SDK1: variants seen among roughly 807,000 people sequenced by gnomAD.
SDK1 encodes the protein protein sidekick-1.
A neutral mutation model predicts 245.5 loss-of-function variants in SDK1; 157 were observed. The ratio of observed to expected loss-of-function variants is 0.64; its 90% CI spans 0.56 to 0.73. The LOEUF is 0.73. SDK1 is among the 30% of genes least tolerant of loss of function. The pLI is 0.00. For synonymous variants in SDK1, 1,647 were observed against 1,278.5 expected, an observed-to-expected ratio of 1.29 and a Z score of -6.15; for missense variants, 3,583 against 3,002.3, an observed-to-expected ratio of 1.19 and a Z score of -4.52.
intron 1 of SDK1, among the ~76,000 whole-genome samples, chr7:3,323,302 A>G (rs773092396): frequency 2.0e-5 from 3 of 152,204 alleles, no homozygotes; most frequent in Admixed American, 6.5e-5. Flanking sequence ...TGGGAACCCA[A>G]TACATGTTTG....
intron 1 of SDK1, among the ~76,000 whole-genome samples, chr7:3,382,957 A>G (rs1679625588): frequency 6.6e-6 from 1 of 152,196 alleles, no homozygotes; most frequent in African/African-American, 2.4e-5. Context: ...AAGAAAGATT[A>G]CCTTTCTATC....
chr7:4,107,377 A>G (rs962511428), intron 22 of SDK1, among the ~76,000 whole-genome samples: 1 of 152,238 alleles, frequency 6.6e-6, no homozygotes, highest in Middle Eastern at 3.4e-3. Flanking sequence ...TACGCACGTG[A>G]GCCACGTGCG....
intron 4 of SDK1, among the ~76,000 whole-genome samples, chr7:3,814,191 C>T (rs1779453440): frequency 6.6e-6 from 1 of 151,382 alleles, no homozygotes; most frequent in Admixed American, 6.6e-5. Flanking sequence ...CTTGCCCATG[C>T]CTATGTCCTG....
chr7:4,079,385 G>A lies in SDK1; in HGVS notation c.3203-78G>A, dbSNP rs1780913072. On this transcript the variant is annotated intron_variant, in intron 21 of 44. Coordinates refer to ENST00000404826, the MANE Select transcript of SDK1 (RefSeq NM_152744.4). ...AATCGTTTTGAAACTGTTTACTTTT[G>A]AAGCTGACACGTTTGATACCTTTCC... 2.6e-6 allele frequency: 4 copies of A among 1,521,014 alleles called. No homozygotes were observed. The East Asian group carries it at 9.1e-5, about 35-fold the overall frequency. The allele number at this position is 1,521,014 out of a possible 1,614,324, so 94.2% of individuals were successfully genotyped here. A position where few individuals can be genotyped will look rare whatever the true frequency, so the allele number is the denominator to read the frequency against.
chr7:3,509,104 A>T (rs761944122), intron 1 of SDK1, among the ~76,000 whole-genome samples: 1 of 150,758 alleles, frequency 6.6e-6, no homozygotes, highest in Admixed American at 6.6e-5. Context: ...GTGTGTATGT[A>T]TGTACATGCG....
chr7:3,706,204 A>G (rs1359970008), intron 4 of SDK1, among the ~76,000 whole-genome samples: 1 of 152,156 alleles, frequency 6.6e-6, no homozygotes, highest in Non-Finnish European at 1.5e-5. Context: ...ATATTCATCA[A>G]GGATATTGGT....
intron 10 of SDK1, 108 bp from the exon 11 acceptor site, chr7:3,969,149 T>A: frequency 1.0e-6 from 1 of 994,688 alleles, no homozygotes. Flanking sequence ...GAGACTTGGG[T>A]GGGGACACGG....
intron 13 of SDK1, among the ~76,000 whole-genome samples, chr7:3,985,005 G>T (rs1363727017): frequency 6.6e-6 from 1 of 152,208 alleles, no homozygotes; most frequent in Admixed American, 6.5e-5. Context: ...ATCACTGGCT[G>T]CATGGTTGAA....
intron 40 of SDK1, among the ~76,000 whole-genome samples, chr7:4,228,995 T>C (rs1012617292): frequency 6.6e-6 from 1 of 152,174 alleles, no homozygotes; most frequent in Non-Finnish European, 1.5e-5. Flanking sequence ...GGCCCTGCTG[T>C]CCTCTCGAGT....
At chr7:4,197,560 A>G (rs1170448112) in intron 35 of SDK1, among the ~76,000 whole-genome samples, 1 of 152,184 alleles carries the variant, frequency 6.6e-6, no homozygotes, top group Non-Finnish European at 1.5e-5. Flanking sequence ...TCAAGGCCTA[A>G]TAGCCAGCCG....
chr7:3,680,278 C>T (rs1784059426), intron 4 of SDK1, among the ~76,000 whole-genome samples: 1 of 152,072 alleles, frequency 6.6e-6, no homozygotes, highest in Non-Finnish European at 1.5e-5. Flanking sequence ...TTAATGGTCG[C>T]AGGGAGTTAG....
At chr7:3,557,251 A>G (rs1779616989) in intron 1 of SDK1, among the ~76,000 whole-genome samples, 1 of 152,238 alleles carries the variant, frequency 6.6e-6, no homozygotes, top group Non-Finnish European at 1.5e-5. Context: ...AATATCAAGA[A>G]TGAAATGGGA....
chr7:4,221,196 G>C, intron 39 of SDK1, 43 bp from the exon 40 acceptor site: 2 of 1,607,118 alleles, frequency 1.2e-6, no homozygotes, highest in Non-Finnish European at 1.7e-6. Flanking sequence ...TGTGAGCCCC[G>C]CAGGGCTGAT....
chr7:3,684,014 A>G (rs1032228652), intron 4 of SDK1, among the ~76,000 whole-genome samples: 2 of 152,124 alleles, frequency 1.3e-5, no homozygotes, highest in African/African-American at 2.4e-5. Context: ...ATGAAAGGTA[A>G]TGTGCATCTC....
chr7:3,546,379 C>T (rs1779227511), intron 1 of SDK1, among the ~76,000 whole-genome samples: 1 of 152,136 alleles, frequency 6.6e-6, no homozygotes, highest in Non-Finnish European at 1.5e-5. Flanking sequence ...ACGTGAAGGC[C>T]CTAGTTGACC....
At position 3,969,397 on chromosome 7, in the gene SDK1, A is replaced by C. The variant is rs1163943847; in HGVS notation, c.1687A>C (p.Asn563His). ...TGCGGCCAACACAGAGGGCTCCCTGAATGCATCGGCCACGCTCACTGTGTG... is the reference window on the plus strand; with the variant it reads ...TGCGGCCAACACAGAGGGCTCCCTGCATGCATCGGCCACGCTCACTGTGTG... ...CYAANTEGSL[N>H]ASATLTVWNR... Residue 563 changes from asparagine (N) to histidine (H), a missense_variant, in exon 11 of 45, where the codon AAT becomes CAT. Transcript: ENST00000404826. 4 of 1,604,940 alleles carry C rather than the reference A, an allele frequency of 2.5e-6. No homozygotes were observed. The highest frequency in any genetic ancestry group is 3.4e-6 in the Non-Finnish European group (4 of 1,175,818).
intron 4 of SDK1, among the ~76,000 whole-genome samples, chr7:3,806,602 C>G (rs576729700): frequency 6.6e-6 from 1 of 152,326 alleles, no homozygotes; most frequent in East Asian, 1.9e-4. Flanking sequence ...AATCATTTTG[C>G]ACCAGTTACA....
At position 4,017,202 on chromosome 7, in the gene SDK1, C is replaced by G. The variant is rs1320929120; in HGVS notation, c.2452C>G (p.Gln818Glu). ...YRLAGLPGEY[Q>E]QRNITSPEVN... ...CCTGGCTGGCCTTCCCGGAGAGTAC[C>G]AGCAGCGGAACATCACCAGCCCGGA... The change falls in exon 17 of 45, where the codon CAG becomes GAG. Residue 818 changes from glutamine to glutamate, a missense_variant. Physicochemically the swap from Gln to Glu is conservative, Grantham distance 29. Coordinates refer to ENST00000404826, the MANE Select transcript of SDK1 (RefSeq NM_152744.4). The G allele has an allele frequency of 6.2e-7, 1 of 1,613,528 alleles. No individual in the cohort carries two copies. Among genetic ancestry groups the G allele is most frequent in the Admixed American group, 1.7e-5 (1 of 59,946 alleles).
chr7:3,460,943 C>T (rs1264878050), intron 1 of SDK1, among the ~76,000 whole-genome samples: 4 of 152,168 alleles, frequency 2.6e-5, no homozygotes, highest in African/African-American at 7.2e-5. Flanking sequence ...ACGTTTCTTA[C>T]ATTATAAAAA....
Sources: gnomAD v4.1 joint callset for allele counts (sites outside exome capture counted in the v4.1 genomes callset) on GRCh38, gnomAD v4.1.1 for gene constraint, MANE v1.5 for transcripts, NCBI Gene and HGNC (gene_info 2026-07-23, HGNC 2026-07-21) for gene names.